Variants in OPA1 observed in about 807,000 individuals in gnomAD.
OPA1 encodes OPA1 mitochondrial dynamin like GTPase, also known as dynamin-like GTPase OPA1, mitochondrial.
A neutral mutation model predicts 152.9 loss-of-function variants in OPA1; 59 were observed. The observed-to-expected ratio is 0.39, with a 90% CI of 0.31 to 0.48. The LOEUF (loss-of-function observed/expected upper bound fraction) is 0.48, where lower values mean the gene tolerates loss of function less well. Ranked by LOEUF, OPA1 falls within the 20% of genes least tolerant of loss-of-function variation. OPA1 has a pLI of 0.96. For missense variants in OPA1, 1,008 were observed against 1,216.8 expected (o/e 0.83, Z 2.55); for synonymous variants, 400 against 389.9 (o/e 1.03, Z -0.31).
At chr3:193,601,262 C>G (rs772587121) in intron 1 of OPA1, among the ~76,000 whole-genome samples, 1 of 152,084 alleles carries the variant, frequency 6.6e-6, no homozygotes, top group Non-Finnish European at 1.5e-5. Context: ...TAGAAACTAG[C>G]TTATCCTCGT....
intron 1 of OPA1, among the ~76,000 whole-genome samples, chr3:193,594,572 G>T (rs891709918): frequency 1.3e-5 from 2 of 152,166 alleles, no homozygotes; most frequent in Non-Finnish European, 2.9e-5. Context: ...ATTTTTAGTA[G>T]AGAGGGGGTT....
At chr3:193,629,128 G>T (rs1017907175) in intron 7 of OPA1, among the ~76,000 whole-genome samples, 2 of 151,854 alleles carry the variant, frequency 1.3e-5, no homozygotes, top group Non-Finnish European at 1.5e-5. Flanking sequence ...GGTCAGGCTG[G>T]TCTCGAACTC....
In OPA1 at chr3:193,629,863, A is replaced by G. The variant is rs1731800946; in HGVS notation, c.790-1749A>G. Among the ~76,000 whole-genome samples, 3 of 152,294 alleles carry G rather than the reference A, an allele frequency of 2.0e-5. No homozygotes were observed. The South Asian group carries it at 6.2e-4, about 32-fold the overall frequency. On this transcript the variant is annotated intron_variant, in intron 7 of 30. Transcript: ENST00000361510. ...TGTCAAGTAATGTTGGATTTTCTAT[A>G]ATAATTTAGGATATATTGCATGAAG...
chr3:193,659,120 ATAT>A (rs1333484278), intron 24 of OPA1, 125 bp downstream of exon 24: 2 of 758,742 alleles, frequency 2.6e-6, no homozygotes, highest in Admixed American at 2.2e-5. Context: ...CTATAGTCGA[ATAT>A]TATTTGTGGA....
At position 193,676,717 on chromosome 3, in the gene OPA1, A is replaced by C. The variant is rs780670533; in HGVS notation, c.2983+9437A>C. On this transcript the variant is annotated intron_variant, in intron 29 of 30. Coordinates refer to ENST00000361510, the MANE Select transcript of OPA1 (RefSeq NM_130837.3). ...CCGTTGTGGCCGGGTGTGGTGGCTC[A>C]CGCCTGTAATCCCAGCACTTTAGGA... Among the ~76,000 whole-genome samples the C allele has an allele frequency of 3.5e-4, 54 of 152,272 alleles. 1 individual carries two copies. The highest frequency in any genetic ancestry group is 7.2e-4 in the Non-Finnish European group (49 of 68,022).
chr3:193,640,143 A>G (rs1733547192), intron 11 of OPA1, among the ~76,000 whole-genome samples: 1 of 152,168 alleles, frequency 6.6e-6, no homozygotes, highest in South Asian at 2.1e-4. Context: ...TACATTTAGG[A>G]GTCATGATCA....
chr3:193,655,069 G>A (rs768661043), intron 22 of OPA1, 42 bp downstream of exon 22: 2 of 1,569,904 alleles, frequency 1.3e-6, no homozygotes, highest in African/African-American at 2.7e-5. Flanking sequence ...AGCATTATCT[G>A]AAGGGAGTAG....
chr3:193,618,729 G>T, intron 5 of OPA1, 140 bp from the exon 6 acceptor site: 2 of 717,818 alleles, frequency 2.8e-6, no homozygotes, highest in Non-Finnish European at 5.0e-6. Context: ...CTTAAAATAA[G>T]AATAAAGGCG....
intron 29 of OPA1, among the ~76,000 whole-genome samples, chr3:193,673,022 G>A (rs1415468179): frequency 2.0e-5 from 3 of 152,086 alleles, no homozygotes; most frequent in Non-Finnish European, 4.4e-5. Context: ...TAGGTTAAAT[G>A]CTTTATGTGA....
chr3:193,645,835 A>G (rs778948171), intron 18 of OPA1, 35 bp downstream of exon 18: 11 of 1,456,534 alleles, frequency 7.6e-6, no homozygotes, highest in Admixed American at 1.7e-5. Context: ...AACATTTTAC[A>G]GTAAGAGAGT....
chr3:193,677,312 T>G (rs1283915786), intron 29 of OPA1, among the ~76,000 whole-genome samples: 1 of 146,150 alleles, frequency 6.8e-6, no homozygotes, highest in Non-Finnish European at 1.5e-5. Flanking sequence ...TTTTTTTTCT[T>G]TAGAAAGAGT....
chr3:193,648,894 T>G lies in OPA1; in HGVS notation c.2012+23T>G, dbSNP rs765484097. On this transcript the variant is annotated intron_variant, in intron 21 of 30. Coordinates refer to ENST00000361510, the MANE Select transcript of OPA1 (RefSeq NM_130837.3). Reference sequence around the variant, plus strand: ...TTGGTAAGTATTTGATATTAATCTCTTTTCTGAAAGACTTTACTGTACAGG... The same window carrying G: ...TTGGTAAGTATTTGATATTAATCTCGTTTCTGAAAGACTTTACTGTACAGG... 3 of 1,450,406 alleles carry G rather than the reference T, an allele frequency of 2.1e-6. No homozygotes were observed. The African/African-American group carries it at 4.2e-5, about 20-fold the overall frequency. 89.8% of individuals were successfully genotyped at this position (1,450,406 alleles called of 1,614,324 possible).
chr3:193,635,603 TGTAAA>T (rs1377067778), intron 9 of OPA1, 81 bp downstream of exon 9: 6 of 826,254 alleles, frequency 7.3e-6, no homozygotes, highest in Non-Finnish European at 1.3e-5. Flanking sequence ...TCTAAGGAGC[TGTAAA>T]GTATTCTGTC....
rs75792727 is a variant in OPA1, at chr3:193,651,023, C to T, written c.2012+2152C>T. ...AGAGGCAGGAATATGGTAAGGGCCA[C>T]GAGATGAGAACAAGAAAGGCGACAC... On this transcript the variant is annotated intron_variant, in intron 21 of 30. Transcript: ENST00000361510. 1.4e-4 allele frequency among the ~76,000 whole-genome samples: 21 copies of T among 152,010 alleles called. No homozygotes were observed. In the East Asian group the frequency reaches 4.1e-3, roughly 29 times the overall value.
chr3:193,627,316 G>C (rs1051876878), intron 7 of OPA1: 1 of 151,946 alleles, frequency 6.6e-6, no homozygotes, highest in Admixed American at 6.6e-5. Flanking sequence ...ATTTAGCTTC[G>C]GTGAGCAAAA....
At chr3:193,685,749 TAA>T (rs1720851166) in intron 29 of OPA1, among the ~76,000 whole-genome samples, 1 of 152,066 alleles carries the variant, frequency 6.6e-6, no homozygotes, top group African/African-American at 2.4e-5. Flanking sequence ...ATCCAATAAA[TAA>T]AAAGATACTA....
chr3:193,657,641 T>C (rs1714177706), intron 23 of OPA1, among the ~76,000 whole-genome samples: 1 of 152,210 alleles, frequency 6.6e-6, no homozygotes, highest in South Asian at 2.1e-4. Flanking sequence ...AGCTACCATG[T>C]ATTGAATGCT....
At chr3:193,602,489 T>C (rs1432807852) in intron 1 of OPA1, among the ~76,000 whole-genome samples, 2 of 152,192 alleles carry the variant, frequency 1.3e-5, no homozygotes, top group Non-Finnish European at 2.9e-5. Context: ...CAGTATTTAG[T>C]CATATCAGAG....
At chr3:193,669,510 A>G (rs1717455023) in intron 29 of OPA1, among the ~76,000 whole-genome samples, 1 of 152,170 alleles carries the variant, frequency 6.6e-6, no homozygotes, top group Non-Finnish European at 1.5e-5. Flanking sequence ...TATTTGTAAA[A>G]TGACTATTAT....
Sources: allele counts gnomAD v4.1 joint callset (sites outside exome capture counted in the v4.1 genomes callset), GRCh38; gene constraint gnomAD v4.1.1; transcripts MANE v1.5; gene names NCBI Gene and HGNC (gene_info 2026-07-23, HGNC 2026-07-21).